Variants in EGFR observed in about 807,000 individuals in gnomAD.
The protein encoded by EGFR is avian erythroblastic leukemia viral (v-erb-b) oncogene homolog.
EGFR carries 58 observed loss-of-function variants against 143.0 expected under a neutral mutation model. The ratio of observed to expected loss-of-function variants is 0.41; its 90% CI spans 0.33 to 0.50. The LOEUF is 0.50. EGFR is among the 20% of genes least tolerant of loss of function. The pLI, the probability that EGFR is intolerant of heterozygous loss-of-function variation, is 0.39. For synonymous variants in EGFR, 613 were observed against 594.4 expected (o/e 1.03, Z -0.45); for missense variants, 1,307 against 1,579.0 (o/e 0.83, Z 2.92).
chr7:55,025,493 G>A (rs544042183), intron 1 of EGFR, among the ~76,000 whole-genome samples: 1 of 152,326 alleles, frequency 6.6e-6, no homozygotes, highest in African/African-American at 2.4e-5. Context: ...GGGAAGGGAG[G>A]AGAAGAGGAA....
At chr7:55,139,880 T>A (rs1017225473) in intron 1 of EGFR, among the ~76,000 whole-genome samples, 2 of 152,274 alleles carry the variant, frequency 1.3e-5, no homozygotes, top group Non-Finnish European at 2.9e-5. Context: ...CAAGAATATG[T>A]AATGTTGTTA....
At chr7:55,139,193 G>A (rs756025668) in intron 1 of EGFR, among the ~76,000 whole-genome samples, 2 of 152,172 alleles carry the variant, frequency 1.3e-5, no homozygotes, top group Non-Finnish European at 2.9e-5. Context: ...TTTGAGGAAA[G>A]CATGGCACAG....
At chr7:55,127,128 G>T (rs1413522466) in intron 1 of EGFR, among the ~76,000 whole-genome samples, 3 of 152,186 alleles carry the variant, frequency 2.0e-5, no homozygotes, top group Admixed American at 6.5e-5. Flanking sequence ...TTTGGGTTTT[G>T]TATTTCTTTT....
chr7:55,157,609 C>CA lies in EGFR; in HGVS notation c.1208-48dup, dbSNP rs1491129088. ...TGAGAGTCTAGAGTAATGTCTCATA[C>CA]AAAAAAGAAACTCCTACGTGGTGTG... On this transcript the variant is annotated intron_variant, in intron 10 of 27. Coordinates refer to ENST00000275493, the MANE Select transcript of EGFR (RefSeq NM_005228.5). 4.7e-6 allele frequency: 7 copies of CA among 1,494,172 alleles called. No homozygotes were observed. The South Asian group carries it at 6.8e-5, about 15-fold the overall frequency. 92.6% of individuals were successfully genotyped at this position (1,494,172 alleles called of 1,614,324 possible). A position where few individuals can be genotyped will look rare whatever the true frequency, so the allele number is the denominator to read the frequency against.
intron 1 of EGFR, among the ~76,000 whole-genome samples, chr7:55,042,995 A>C (rs148682748): frequency 1.2e-4 from 18 of 152,240 alleles, no homozygotes; most frequent in African/African-American, 4.1e-4. Flanking sequence ...ACAGCCCTCT[A>C]TAAGTATATA....
chr7:55,198,633 T>C, intron 22 of EGFR, 84 bp from the exon 23 acceptor site: 1 of 1,594,680 alleles, frequency 6.3e-7, no homozygotes, highest in Non-Finnish European at 8.6e-7. Flanking sequence ...CAAGAAACAG[T>C]AACCAGTAAT....
chr7:55,125,582 A>G (rs1793475379), intron 1 of EGFR, among the ~76,000 whole-genome samples: 1 of 152,242 alleles, frequency 6.6e-6, no homozygotes, highest in South Asian at 2.1e-4. Flanking sequence ...CATCTCAAGA[A>G]GTTATGTAAT....
chr7:55,023,875 T>C (rs562122956), intron 1 of EGFR, among the ~76,000 whole-genome samples: 1 of 152,320 alleles, frequency 6.6e-6, no homozygotes, highest in East Asian at 1.9e-4. Context: ...TCATTCGTTC[T>C]TTTTCGTTTT....
chr7:55,110,993 T>A (rs1792448877), intron 1 of EGFR, among the ~76,000 whole-genome samples: 1 of 152,210 alleles, frequency 6.6e-6, no homozygotes, highest in Admixed American at 6.5e-5. Context: ...GCAACTGCTT[T>A]TATTCTTGGA....
intron 1 of EGFR, among the ~76,000 whole-genome samples, chr7:55,031,197 A>G (rs1481220603): frequency 6.6e-6 from 1 of 152,230 alleles, no homozygotes; most frequent in East Asian, 1.9e-4. Context: ...TGCCAGGAGA[A>G]CACATCGATT....
At chr7:55,046,163 T>C (rs1169454619) in intron 1 of EGFR, among the ~76,000 whole-genome samples, 1 of 151,858 alleles carries the variant, frequency 6.6e-6, no homozygotes, top group Non-Finnish European at 1.5e-5. Context: ...TGTGGGGAGG[T>C]TCTCAGAAAC....
chr7:55,023,242 G>C (rs1238592631), intron 1 of EGFR, among the ~76,000 whole-genome samples: 1 of 152,182 alleles, frequency 6.6e-6, no homozygotes, highest in African/African-American at 2.4e-5. Flanking sequence ...AAGTACTCTA[G>C]TTATGAGCTT....
chr7:55,062,482 A>G (rs1399649434), intron 1 of EGFR, among the ~76,000 whole-genome samples: 1 of 152,048 alleles, frequency 6.6e-6, no homozygotes, highest in African/African-American at 2.4e-5. Context: ...ATAATTAACT[A>G]CTGATCATTT....
Position 55,168,621 on chromosome 7 carries a change from A to G in EGFR, c.1881-2554A>G, listed in dbSNP as rs1786189192. 4 of 1,581,476 alleles carry G rather than the reference A, an allele frequency of 2.5e-6. No homozygotes were observed. In the South Asian group the frequency reaches 4.6e-5, roughly 18 times the overall value. ...TCCCTTTGCTTCAAATAAAGTCCTG[A>G]CACTATTCATTTGACATATGGAATT... is the stretch of plus-strand genomic sequence containing the variant. On this transcript the variant is annotated intron_variant, in intron 15 of 27. Transcript: ENST00000275493.
intron 1 of EGFR, among the ~76,000 whole-genome samples, chr7:55,057,362 G>T (rs1325294507): frequency 6.6e-6 from 1 of 152,134 alleles, no homozygotes; most frequent in African/African-American, 2.4e-5. Context: ...CTGACACTGA[G>T]CACCTCTTAA....
chr7:55,021,534 A>C (rs753861873), intron 1 of EGFR, among the ~76,000 whole-genome samples: 1 of 152,238 alleles, frequency 6.6e-6, no homozygotes, highest in Non-Finnish European at 1.5e-5. Flanking sequence ...TCCTGAAGAC[A>C]AGAGAGAGAG....
intron 1 of EGFR, among the ~76,000 whole-genome samples, chr7:55,088,775 T>C (rs1453911897): frequency 6.6e-6 from 1 of 152,204 alleles, no homozygotes; most frequent in Non-Finnish European, 1.5e-5. Flanking sequence ...CAAAATGTTA[T>C]CCAACTCAGT....
At chr7:55,026,898 C>T (rs1454799972) in intron 1 of EGFR, among the ~76,000 whole-genome samples, 1 of 151,848 alleles carries the variant, frequency 6.6e-6, no homozygotes, top group Non-Finnish European at 1.5e-5. Flanking sequence ...AAAAAGCTTT[C>T]TGCAGTGGCT....
chr7:55,151,640 C>T (rs1192142207), intron 5 of EGFR, among the ~76,000 whole-genome samples: 1 of 152,116 alleles, frequency 6.6e-6, no homozygotes, highest in East Asian at 1.9e-4. Flanking sequence ...CTTTGGGAGG[C>T]GGAGGCGGTC....
Sources: gnomAD v4.1 joint callset for allele counts (sites outside exome capture counted in the v4.1 genomes callset) on GRCh38, gnomAD v4.1.1 for gene constraint, MANE v1.5 for transcripts, NCBI Gene and HGNC (gene_info 2026-07-23, HGNC 2026-07-21) for gene names.